The following DLGAP2 variants were observed in gnomAD, a reference collection of about 807,000 sequenced individuals.
DLGAP2 encodes the protein disks large-associated protein 2.
Under a neutral mutation model 100.3 loss-of-function variants are expected in DLGAP2, and 26 were observed. That is an observed-to-expected ratio of 0.26 (90% CI 0.19 to 0.36). The LOEUF (loss-of-function observed/expected upper bound fraction) is 0.36. Among genes scored for constraint, DLGAP2 ranks in the 10% least tolerant of loss-of-function variants. DLGAP2 has a pLI of 1.00. For missense variants in DLGAP2, 1,858 were observed against 1,453.2 expected, an observed-to-expected ratio of 1.28 and a Z score of -4.53; for synonymous variants, 886 against 630.1, an observed-to-expected ratio of 1.41 and a Z score of -6.08.
At chr8:1,220,263 C>G (rs888047233) in intron 2 of DLGAP2, among the ~76,000 whole-genome samples, 3 of 152,170 alleles carry the variant, frequency 2.0e-5, no homozygotes, top group Non-Finnish European at 2.9e-5. Context: ...AAACTTTCCT[C>G]TTAACACTGC....
chr8:1,244,144 C>A (rs946993993), intron 2 of DLGAP2, among the ~76,000 whole-genome samples: 1 of 152,240 alleles, frequency 6.6e-6, no homozygotes, highest in Non-Finnish European at 1.5e-5. Flanking sequence ...GTGTGGGCTC[C>A]TGTACATGCC....
At chr8:946,501 G>A (rs1219752500) in intron 2 of DLGAP2, among the ~76,000 whole-genome samples, 1 of 151,996 alleles carries the variant, frequency 6.6e-6, no homozygotes, top group Non-Finnish European at 1.5e-5. Context: ...CTGACCTTGT[G>A]ATCTGCCCGC....
At chr8:1,533,549 C>G (rs1801057738) in intron 4 of DLGAP2, among the ~76,000 whole-genome samples, 1 of 151,862 alleles carries the variant, frequency 6.6e-6, no homozygotes, top group Non-Finnish European at 1.5e-5. Context: ...GCTGTGTGCA[C>G]TGATGGCAAT....
At chr8:1,254,913 C>T (rs1285220523) in intron 2 of DLGAP2, among the ~76,000 whole-genome samples, 6 of 151,188 alleles carry the variant, frequency 4.0e-5, no homozygotes, top group East Asian at 2.0e-4. Flanking sequence ...CTCTCTCCTG[C>T]CCAGGTGCTG....
intron 2 of DLGAP2, among the ~76,000 whole-genome samples, chr8:1,250,115 G>A (rs151132996): frequency 0.014 from 2,059 of 152,272 alleles, 50 homozygotes; most frequent in East Asian, 0.055. Context: ...TCCTGACCTT[G>A]TGATCTGCCT....
At chr8:750,041 C>T (rs1005333422) in intron 1 of DLGAP2, among the ~76,000 whole-genome samples, 11 of 152,272 alleles carry the variant, frequency 7.2e-5, no homozygotes, top group African/African-American at 1.7e-4. Context: ...CAGAAAGCCC[C>T]GGGTTATCCC....
chr8:1,325,951 A>G (rs538113774), intron 3 of DLGAP2, among the ~76,000 whole-genome samples: 16 of 152,230 alleles, frequency 1.1e-4, no homozygotes, highest in African/African-American at 3.4e-4. Context: ...CTTCCCCCGT[A>G]AGCTATAAGG....
At chr8:1,038,668 T>G (rs137865330) in intron 2 of DLGAP2, among the ~76,000 whole-genome samples, 3 of 152,342 alleles carry the variant, frequency 2.0e-5, no homozygotes, top group African/African-American at 7.2e-5. Flanking sequence ...TCCCTGTGGT[T>G]TCTATTTCTG....
In DLGAP2 at chr8:1,526,909, A is replaced by G. The variant is rs559001520; in HGVS notation, c.173-21717A>G. Among the ~76,000 whole-genome samples the G allele has an allele frequency of 4.6e-5, 7 of 152,310 alleles. No individual in the cohort carries two copies. The South Asian group carries it at 1.4e-3, about 32-fold the overall frequency. On this transcript the variant is annotated intron_variant, in intron 4 of 14. Coordinates refer to ENST00000637795, the MANE Select transcript of DLGAP2 (RefSeq NM_001346810.2). ...GGGGGCGGTGGCTTTGCCACCTTGG[A>G]GAGGAGAGGGCAGGGCAAGAGCAAA...
At chr8:1,475,176 G>A (rs1040000680) in intron 3 of DLGAP2, among the ~76,000 whole-genome samples, 15 of 152,242 alleles carry the variant, frequency 9.9e-5, no homozygotes, top group Middle Eastern at 3.4e-3. Flanking sequence ...GGCACACGTG[G>A]ACACAGAGAC....
At chr8:889,092 G>C (rs904111904) in intron 1 of DLGAP2, among the ~76,000 whole-genome samples, 1 of 152,212 alleles carries the variant, frequency 6.6e-6, no homozygotes, top group Non-Finnish European at 1.5e-5. Context: ...AAGGTGCTCA[G>C]TAGGGGAGCT....
At chr8:1,165,123 A>T (rs966284488) in intron 2 of DLGAP2, among the ~76,000 whole-genome samples, 1 of 141,376 alleles carries the variant, frequency 7.1e-6, no homozygotes, top group Non-Finnish European at 1.5e-5. Flanking sequence ...TTCTGCTGCC[A>T]GATAGAGAGA....
At chr8:1,513,104 G>A (rs1404766058) in intron 4 of DLGAP2, among the ~76,000 whole-genome samples, 1 of 150,874 alleles carries the variant, frequency 6.6e-6, no homozygotes, top group East Asian at 2.0e-4. Flanking sequence ...GGCAAGACGG[G>A]AGAGGCCACA....
intron 2 of DLGAP2, among the ~76,000 whole-genome samples, chr8:1,108,413 G>A (rs1251636445): frequency 6.6e-6 from 1 of 152,224 alleles, no homozygotes; most frequent in Non-Finnish European, 1.5e-5. Flanking sequence ...GATTGAAGCC[G>A]TCATGTAAGA....
chr8:1,580,232 C>T (rs1462355870), intron 6 of DLGAP2, among the ~76,000 whole-genome samples: 5 of 152,156 alleles, frequency 3.3e-5, no homozygotes, highest in Non-Finnish European at 7.3e-5. Context: ...TGCGATCAAG[C>T]AGCGGCACAG....
chr8:1,010,123 TAATC>T (rs991840218), intron 2 of DLGAP2, among the ~76,000 whole-genome samples: 14 of 152,204 alleles, frequency 9.2e-5, no homozygotes, highest in African/African-American at 2.9e-4. Flanking sequence ...ATATCTTAAT[TAATC>T]ACAAGCTACT....
intron 2 of DLGAP2, among the ~76,000 whole-genome samples, chr8:1,193,816 A>AC: frequency 6.7e-6 from 1 of 150,102 alleles, no homozygotes; most frequent in South Asian, 2.2e-4. Flanking sequence ...AGCACCTGAG[A>AC]CCCCCAGACA....
At chr8:1,654,907 C>G (rs545449591) in intron 8 of DLGAP2, among the ~76,000 whole-genome samples, 2 of 152,280 alleles carry the variant, frequency 1.3e-5, no homozygotes, top group East Asian at 1.9e-4. Context: ...CTTCCGTTCA[C>G]TAAACGTTGA....
chr8:1,407,388 C>G (rs1474264465), intron 3 of DLGAP2, among the ~76,000 whole-genome samples: 1 of 103,416 alleles, frequency 9.7e-6, no homozygotes, highest in Non-Finnish European at 2.0e-5. Context: ...CCTCCGGAGT[C>G]CTGTATTGAG....
Sources: allele counts gnomAD v4.1 joint callset (sites outside exome capture counted in the v4.1 genomes callset), GRCh38; gene constraint gnomAD v4.1.1; transcripts MANE v1.5; gene names NCBI Gene and HGNC (gene_info 2026-07-23, HGNC 2026-07-21).